BEX2: variants seen among roughly 807,000 people sequenced by gnomAD.
BEX2 encodes brain expressed X-linked 2, also known as protein BEX2.
A neutral mutation model predicts 4.1 loss-of-function variants in BEX2; 2 were observed. That is an observed-to-expected ratio of 0.49 (90% CI 0.20 to 1.53). BEX2 has a LOEUF of 1.53. Ranked by LOEUF, BEX2 falls within the 40% of genes most tolerant of loss-of-function variation. The pLI, the probability that BEX2 is intolerant of heterozygous loss-of-function variation, is 0.23. For missense variants in BEX2, 94 were observed against 99.9 expected (o/e 0.94, Z 0.25); for synonymous variants, 34 against 35.9 (o/e 0.95, Z 0.19).
chrX:103,310,816 T>C, intron 1 of BEX2, 44 bp downstream of exon 1: 1 of 406,012 alleles, frequency 2.5e-6, no homozygotes, highest in East Asian at 4.6e-5. Context: ...AGGCCGGGGC[T>C]GCTCCCCCAC....
At chrX:103,310,829 C>G (rs1049312564) in intron 1 of BEX2, 31 bp downstream of exon 1, 6 of 376,645 alleles carry the variant, frequency 1.6e-5, no homozygotes, top group African/African-American at 2.7e-5. Context: ...TCCCCCACAC[C>G]AACCCCAGGG....
chrX:103,310,612 C>G, intron 1 of BEX2, 179 bp from the exon 2 acceptor site: 1 of 1,155,874 alleles, frequency 8.7e-7, no homozygotes, highest in Non-Finnish European at 1.1e-6. Flanking sequence ...AAGGGCGGAG[C>G]AGGGGTGTTG....
rs760594070 is a variant in BEX2 at position 103,309,912 on chromosome X, TCATTTTCCTGGTTGA to T, written c.50_64del (p.Val17_Asn21del). 32 of 1,209,521 alleles carry T rather than the reference TCATTTTCCTGGTTGA, an allele frequency of 2.6e-5. No homozygotes were observed. In the Admixed American group the frequency reaches 6.8e-4, roughly 26 times the overall value. ...AACTTGCTCCTTTTCATCTTTTTCA[TCATTTTCCTGGTTGA>T]CATTTTCCACGATGAGATTGTTTAA... On this transcript the variant is annotated inframe_deletion, in exon 3 of 3. Transcript: ENST00000372677.
At chrX:103,310,166 C>G (rs1926148535) in intron 2 of BEX2, among the ~76,000 whole-genome samples, 185 bp from the exon 3 acceptor site, 1 of 110,701 alleles carries the variant, frequency 9.0e-6, no homozygotes, top group South Asian at 3.9e-4. Context: ...CAGTCTGTGC[C>G]CTTCTCTCCC....
chrX:103,310,613 A>G (rs1455089348), intron 1 of BEX2, 180 bp from the exon 2 acceptor site: 1 of 1,155,159 alleles, frequency 8.7e-7, no homozygotes. Context: ...AGGGCGGAGC[A>G]GGGGTGTTGG....
In BEX2 at chrX:103,309,468, C is replaced by T; in HGVS notation, c.*122G>A. ...GTCAAAAACAACATTCATTTAGAAG[C>T]TGGTAATAGGAGACCCACAAGAAAT... On this transcript the variant is annotated 3_prime_UTR_variant, in exon 3 of 3. Coordinates refer to ENST00000372677, the MANE Select transcript of BEX2 (RefSeq NM_032621.4). 1 of 1,027,589 alleles carries T rather than the reference C, an allele frequency of 9.7e-7. No homozygotes were observed. The highest frequency in any genetic ancestry group is 1.3e-6 in the Non-Finnish European group (1 of 769,067). 84.7% of individuals were successfully genotyped at this position (1,027,589 alleles called of 1,213,427 possible). A position where few individuals can be genotyped will look rare whatever the true frequency, so the allele number is the denominator to read the frequency against.
chrX:103,310,352 A>G lies in BEX2; in HGVS notation c.-6+6T>C, dbSNP rs970544599. The stretch of plus-strand genomic sequence containing the variant: ...CCCCCTCCCCACCACCGTCCCTCGC[A>G]CTGACCTGGGCCTATCCTTGCAGTC... On this transcript the variant is annotated splice_donor_region_variant and intron_variant, in intron 2 of 2. Coordinates refer to ENST00000372677, the MANE Select transcript of BEX2 (RefSeq NM_032621.4). 6.2e-5 allele frequency: 72 copies of G among 1,152,433 alleles called. No individual in the cohort carries two copies. The highest frequency in any genetic ancestry group is 8.1e-5 in the Non-Finnish European group (71 of 871,481). 95.0% of individuals were successfully genotyped at this position (1,152,433 alleles called of 1,213,427 possible).
Position 103,309,420 on chromosome X carries a change from G to T in BEX2, c.*170C>A. 1 of 735,294 alleles carries T rather than the reference G, an allele frequency of 1.4e-6. No homozygotes were observed. Among genetic ancestry groups the T allele is most frequent in the Non-Finnish European group, 1.9e-6 (1 of 515,404 alleles). The allele number at this position is 735,294 out of a possible 1,213,427, so 60.6% of individuals were successfully genotyped here. On this transcript the variant is annotated 3_prime_UTR_variant, in exon 3 of 3. Transcript: ENST00000372677. ...TCCATGCAATAGGTAAAACTCTCCT[G>T]CTGACAGAAACTTACAAACTGGGTC...
intron 1 of BEX2, 87 bp from the exon 2 acceptor site, chrX:103,310,520 C>G: frequency 8.7e-7 from 1 of 1,146,035 alleles, no homozygotes; most frequent in Non-Finnish European, 1.2e-6. Flanking sequence ...TTCCCCACGC[C>G]GGGCCCGGGC....
chrX:103,310,077 G>T, intron 2 of BEX2, 96 bp from the exon 3 acceptor site: 1 of 987,494 alleles, frequency 1.0e-6, no homozygotes, highest in Non-Finnish European at 1.4e-6. Flanking sequence ...TCAGAGCCCT[G>T]GATTTCAAAG....
intron 1 of BEX2, chrX:103,310,637 G>A (rs1338185611): frequency 2.6e-6 from 3 of 1,151,377 alleles, no homozygotes; most frequent in Admixed American, 5.2e-5. Context: ...AGCTTGCGCT[G>A]GTGACGGAGG....
At position 103,310,359 on chromosome X, in the gene BEX2, T is replaced by C. The variant is rs752138391; in HGVS notation, c.-7A>G. On this transcript the variant is annotated splice_region_variant and 5_prime_UTR_variant, in exon 2 of 3. Coordinates refer to ENST00000372677, the MANE Select transcript of BEX2 (RefSeq NM_032621.4). ...CCCACCACCGTCCCTCGCACTGACCTGGGCCTATCCTTGCAGTCTCCTCCT... is the reference window on the plus strand; with the variant it reads ...CCCACCACCGTCCCTCGCACTGACCCGGGCCTATCCTTGCAGTCTCCTCCT... 1.0e-4 allele frequency: 117 copies of C among 1,154,427 alleles called. No individual in the cohort carries two copies. The highest frequency in any genetic ancestry group is 1.2e-4 in the Non-Finnish European group (102 of 872,518).
rs981924508 is a variant in BEX2 at position 103,310,721 on chromosome X, G to A, written c.-82+139C>T. On this transcript the variant is annotated intron_variant, in intron 1 of 2. Transcript: ENST00000372677. ...GCCGGGCACCCCTCCGCTCACACAA[G>A]GCTCGCGGTCCCGCGGCGGGGCCCC... 78 of 890,565 alleles carry A rather than the reference G, an allele frequency of 8.8e-5. No individual in the cohort carries two copies. In the African/African-American group the frequency reaches 1.5e-3, roughly 17 times the overall value. 73.4% of individuals were successfully genotyped at this position (890,565 alleles called of 1,213,427 possible). A position where few individuals can be genotyped will look rare whatever the true frequency, so the allele number is the denominator to read the frequency against.
rs1926115702 is a variant in BEX2, at chrX:103,309,545, A to G, written c.*45T>C. On this transcript the variant is annotated 3_prime_UTR_variant, in exon 3 of 3. Transcript: ENST00000372677. ...AGGTACACCACAAATGTGTAAGTTTAGGAAGCAGGGGTCTCCCTATTAACT... is the reference window on the plus strand; with the variant it reads ...AGGTACACCACAAATGTGTAAGTTTGGGAAGCAGGGGTCTCCCTATTAACT... 8.4e-7 allele frequency: 1 copy of G among 1,190,287 alleles called. No individual in the cohort carries two copies. Among genetic ancestry groups the G allele is most frequent in the Admixed American group, 2.3e-5 (1 of 44,397 alleles).
At chrX:103,310,140 G>A (rs367787025) in intron 2 of BEX2, among the ~76,000 whole-genome samples, 159 bp from the exon 3 acceptor site, 116 of 110,670 alleles carry the variant, frequency 1.0e-3, no homozygotes, top group African/African-American at 3.4e-3. Context: ...TGTACCCTCG[G>A]GGGGGCGAGG....
At position 103,310,414 on chromosome X, in the gene BEX2, C is replaced by T; in HGVS notation, c.-62G>A. The T allele has an allele frequency of 8.6e-7, 1 of 1,157,045 alleles. No individual in the cohort carries two copies. ...ATTCTCGACGTGAGGTGCGTCGCCGCAACACTTGGCCCCGCAAACCTGCAG... is the reference window on the plus strand; with the variant it reads ...ATTCTCGACGTGAGGTGCGTCGCCGTAACACTTGGCCCCGCAAACCTGCAG... On this transcript the variant is annotated 5_prime_UTR_variant, in exon 2 of 3. Transcript: ENST00000372677.
chrX:103,310,501 C>A (rs1398403989), intron 1 of BEX2, 68 bp from the exon 2 acceptor site: 17 of 1,147,551 alleles, frequency 1.5e-5, no homozygotes, highest in Non-Finnish European at 2.0e-5. Flanking sequence ...CCCGCCGCCA[C>A]CCGGCCCCTT....
chrX:103,309,832 G>A lies in BEX2; in HGVS notation c.145C>T (p.Pro49Ser). 1 of 1,211,971 alleles carries A rather than the reference G, an allele frequency of 8.3e-7. No homozygotes were observed. The highest frequency in any genetic ancestry group is 1.1e-6 in the Non-Finnish European group (1 of 895,590). ...LPLNVSEYCV[P>S]RGNRRRFRVR... ...CGGAACCGCCTACGGTTTCCTCTAG[G>A]CACACAGTATTCACTAACATTCAAA... Residue 49 changes from proline to serine, a missense_variant, in exon 3 of 3, where the codon CCT (proline) becomes TCT (serine). Physicochemically the swap from Pro to Ser is moderately conservative, Grantham distance 74 (BLOSUM62 -1). Transcript: ENST00000372677.
chrX:103,309,484 C>A lies in BEX2; in HGVS notation c.*106G>T. The stretch of plus-strand genomic sequence containing the variant: ...ATTTAGAAGCTGGTAATAGGAGACC[C>A]ACAAGAAATAGGTAACATCAAAACG... On this transcript the variant is annotated 3_prime_UTR_variant, in exon 3 of 3. Coordinates refer to ENST00000372677, the MANE Select transcript of BEX2 (RefSeq NM_032621.4). 9.1e-7 allele frequency: 1 copy of A among 1,097,304 alleles called. No individual in the cohort carries two copies. The highest frequency in any genetic ancestry group is 1.2e-6 in the Non-Finnish European group (1 of 824,584). The allele number at this position is 1,097,304 out of a possible 1,213,427, so 90.4% of individuals were successfully genotyped here. A position where few individuals can be genotyped will look rare whatever the true frequency, so the allele number is the denominator to read the frequency against.
Sources: allele counts gnomAD v4.1 joint callset (sites outside exome capture counted in the v4.1 genomes callset), GRCh38; gene constraint gnomAD v4.1.1; transcripts MANE v1.5; gene names NCBI Gene and HGNC (gene_info 2026-07-23, HGNC 2026-07-21).